CNBD1: variants seen among roughly 807,000 people sequenced by gnomAD.
CNBD1 encodes the protein cyclic nucleotide-binding domain-containing protein 1.
CNBD1 carries 71 observed loss-of-function variants against 54.4 expected under a neutral mutation model. The ratio of observed to expected loss-of-function variants is 1.30; its 90% CI spans 1.08 to 1.59. The LOEUF is 1.59. CNBD1 is among the 40% of genes most tolerant of loss of function. The probability of loss-of-function intolerance (pLI) is 0.00; values close to 1 mark genes in which losing one functional copy is unlikely to be tolerated. For synonymous variants in CNBD1, 182 were observed against 170.7 expected (o/e 1.07, Z -0.51); for missense variants, 659 against 518.0 (o/e 1.27, Z -2.64).
At chr8:87,068,894 A>G (rs1810706830) in intron 4 of CNBD1, among the ~76,000 whole-genome samples, 1 of 152,064 alleles carries the variant, frequency 6.6e-6, no homozygotes, top group Non-Finnish European at 1.5e-5. Flanking sequence ...AAGCTAATCC[A>G]AGACACTCTC....
chr8:87,203,335 T>C (rs1813903051), intron 4 of CNBD1, among the ~76,000 whole-genome samples: 1 of 152,188 alleles, frequency 6.6e-6, no homozygotes, highest in African/African-American at 2.4e-5. Context: ...TATGTGTTTA[T>C]ATATGTACAC....
chr8:87,365,290 G>T (rs1332455112), intron 10 of CNBD1, among the ~76,000 whole-genome samples: 1 of 151,716 alleles, frequency 6.6e-6, no homozygotes, highest in African/African-American at 2.4e-5. Context: ...TATGCTTGTT[G>T]GCCGTGTGTA....
intron 8 of CNBD1, among the ~76,000 whole-genome samples, chr8:87,331,823 G>A (rs1315544543): frequency 6.6e-6 from 1 of 152,052 alleles, no homozygotes; most frequent in Non-Finnish European, 1.5e-5. Context: ...GTGATGTCGA[G>A]CTTTTTTTCA....
downstream of CNBD1, among the ~76,000 whole-genome samples, chr8:87,385,679 C>G (rs1321742066): frequency 3.3e-5 from 5 of 152,094 alleles, no homozygotes; most frequent in African/African-American, 1.2e-4. Context: ...TCTGTAGACT[C>G]CACCTCTGGG....
chr8:87,156,258 T>A lies in CNBD1; in HGVS notation c.432-49735T>A, dbSNP rs566275415. Reference sequence around the variant, plus strand: ...AAACCTTCCCATGATATATAATATATACACACACACATATGTCACTCTGTC... The same window carrying A: ...AAACCTTCCCATGATATATAATATAAACACACACACATATGTCACTCTGTC... On this transcript the variant is annotated intron_variant, in intron 4 of 10. Transcript: ENST00000518476. Among the ~76,000 whole-genome samples the A allele has an allele frequency of 6.8e-5, 10 of 147,094 alleles. No homozygotes were observed. In the South Asian group the frequency reaches 1.9e-3, roughly 28 times the overall value.
chr8:87,263,145 C>T (rs528417352), intron 6 of CNBD1, among the ~76,000 whole-genome samples: 3 of 152,172 alleles, frequency 2.0e-5, no homozygotes, highest in African/African-American at 7.2e-5. Context: ...ATAGTGGTTT[C>T]AACCTTGATG....
chr8:86,982,147 TTTAATAA>T (rs1439034091), intron 4 of CNBD1, among the ~76,000 whole-genome samples: 1 of 152,214 alleles, frequency 6.6e-6, no homozygotes, highest in African/African-American at 2.4e-5. Flanking sequence ...TTTTCATTTC[TTTAATAA>T]TTAATGATGT....
At chr8:87,226,174 A>G (rs1814484437) in intron 5 of CNBD1, among the ~76,000 whole-genome samples, 1 of 151,348 alleles carries the variant, frequency 6.6e-6, no homozygotes, top group Admixed American at 6.6e-5. Flanking sequence ...AATTTTGTTG[A>G]TCCTTTCAAA....
intron 4 of CNBD1, among the ~76,000 whole-genome samples, chr8:87,091,348 C>G (rs547292353): frequency 1.3e-5 from 2 of 152,214 alleles, no homozygotes; most frequent in South Asian, 4.1e-4. Flanking sequence ...AGTTTCATCT[C>G]CCTTTTAAGA....
chr8:86,902,948 T>C (rs1446013136), intron 2 of CNBD1, among the ~76,000 whole-genome samples: 1 of 152,158 alleles, frequency 6.6e-6, no homozygotes, highest in African/African-American at 2.4e-5. Flanking sequence ...ACTTTTCTAC[T>C]GAACACACAG....
intron 4 of CNBD1, among the ~76,000 whole-genome samples, chr8:87,133,989 C>G (rs1306031965): frequency 6.6e-6 from 1 of 152,078 alleles, no homozygotes; most frequent in African/African-American, 2.4e-5. Flanking sequence ...CTGCTTTATA[C>G]TTCCATTGAT....
intron 4 of CNBD1, among the ~76,000 whole-genome samples, chr8:87,132,659 A>C (rs1586278238): frequency 6.8e-6 from 1 of 147,676 alleles, no homozygotes; most frequent in East Asian, 1.9e-4. Flanking sequence ...TAAGATATAT[A>C]TCTAATATAT....
chr8:86,980,383 A>G (rs1467877611), intron 4 of CNBD1, among the ~76,000 whole-genome samples: 2 of 152,200 alleles, frequency 1.3e-5, no homozygotes, highest in Non-Finnish European at 2.9e-5. Flanking sequence ...TGCCATATTT[A>G]CTGTACACAT....
At chr8:87,242,673 C>A (rs2038493458) in intron 6 of CNBD1, among the ~76,000 whole-genome samples, 1 of 152,130 alleles carries the variant, frequency 6.6e-6, no homozygotes, top group African/African-American at 2.4e-5. Flanking sequence ...ATGTATAACA[C>A]CAAGCTGTAG....
At chr8:86,906,163 T>C (rs1200633145) in intron 3 of CNBD1, among the ~76,000 whole-genome samples, 1 of 152,244 alleles carries the variant, frequency 6.6e-6, no homozygotes, top group African/African-American at 2.4e-5. Context: ...GAATATGTTT[T>C]CATTTATTTA....
chr8:87,229,766 C>G (rs1162039561), intron 5 of CNBD1, among the ~76,000 whole-genome samples: 2 of 152,106 alleles, frequency 1.3e-5, no homozygotes, highest in African/African-American at 2.4e-5. Flanking sequence ...TCGTCTCACT[C>G]TGCATATATG....
intron 8 of CNBD1, among the ~76,000 whole-genome samples, chr8:87,322,225 C>T (rs1809552934): frequency 8.1e-6 from 1 of 122,784 alleles, no homozygotes; most frequent in African/African-American, 3.1e-5. Flanking sequence ...TGGGTTGTTT[C>T]CAAGTCTTTG....
chr8:86,983,087 C>A (rs1808524348), intron 4 of CNBD1, among the ~76,000 whole-genome samples: 1 of 152,114 alleles, frequency 6.6e-6, no homozygotes, highest in African/African-American at 2.4e-5. Flanking sequence ...TGTGTCCTCA[C>A]CCAAATCTCA....
chr8:87,310,949 T>C (rs1190067124), intron 8 of CNBD1, among the ~76,000 whole-genome samples: 15 of 151,982 alleles, frequency 9.9e-5, no homozygotes. Flanking sequence ...AAAAATTAAG[T>C]CGAGATGGAG....
Sources: gnomAD v4.1 joint callset for allele counts (sites outside exome capture counted in the v4.1 genomes callset) on GRCh38, gnomAD v4.1.1 for gene constraint, MANE v1.5 for transcripts, NCBI Gene and HGNC (gene_info 2026-07-23, HGNC 2026-07-21) for gene names.